The following KSR2 variants were observed in gnomAD, a reference collection of about 807,000 sequenced individuals.
KSR2 encodes the protein kinase suppressor of ras 2.
In KSR2, 25 loss-of-function variants were observed where a neutral mutation model predicts 107.8. The observed-to-expected ratio is 0.23, with a 90% CI of 0.17 to 0.32. The LOEUF (loss-of-function observed/expected upper bound fraction) is 0.32, where lower values mean the gene tolerates loss of function less well. Ranked by LOEUF, KSR2 falls within the 10% of genes least tolerant of loss-of-function variation. The pLI is 1.00. For missense variants in KSR2, 887 were observed against 1,268.9 expected, an observed-to-expected ratio of 0.70 and a Z score of 4.57; for synonymous variants, 480 against 507.0, an observed-to-expected ratio of 0.95 and a Z score of 0.71.
At chr12:117,548,012 G>T (rs868256606) in intron 9 of KSR2, among the ~76,000 whole-genome samples, 1 of 151,968 alleles carries the variant, frequency 6.6e-6, no homozygotes, top group African/African-American at 2.4e-5. Context: ...CAGGAGAATC[G>T]CTTGAACCCG....
At chr12:117,493,213 C>T (rs1332782394) in intron 14 of KSR2, among the ~76,000 whole-genome samples, 1 of 152,126 alleles carries the variant, frequency 6.6e-6, no homozygotes, top group Non-Finnish European at 1.5e-5. Context: ...TATTCTTCTT[C>T]CTGAATGACG....
At chr12:117,612,557 C>T (rs1881664085) in intron 5 of KSR2, among the ~76,000 whole-genome samples, 1 of 152,220 alleles carries the variant, frequency 6.6e-6, no homozygotes, top group East Asian at 1.9e-4. Context: ...TATCTAAATG[C>T]CTTAGTACTC....
chr12:117,459,618 AAACTT>A lies in KSR2; in HGVS notation c.*7576_*7580del, dbSNP rs1870794602. 1 of 152,232 alleles carries A rather than the reference AAACTT, an allele frequency of 6.6e-6. No individual in the cohort carries two copies. The highest frequency in any genetic ancestry group is 2.4e-5 in the African/African-American group (1 of 41,456). The allele number at this position is 152,232 out of a possible 1,614,324, so 9.4% of individuals were successfully genotyped here. A position where few individuals can be genotyped will look rare whatever the true frequency, so the allele number is the denominator to read the frequency against. ...TGGTTGAAGATGAAAACTCAGGTGA[AAACTT>A]AACCCTTCTGAGGGTGTTACATCTT... On this transcript the variant is annotated 3_prime_UTR_variant, in exon 20 of 20. Transcript: ENST00000339824.
chr12:117,688,398 C>T (rs1885674734), intron 4 of KSR2, among the ~76,000 whole-genome samples: 1 of 152,124 alleles, frequency 6.6e-6, no homozygotes, highest in Non-Finnish European at 1.5e-5. Context: ...GTCTATAGCT[C>T]AATTTTTTCA....
chr12:117,719,011 C>T (rs1887107046), intron 4 of KSR2, among the ~76,000 whole-genome samples: 3 of 152,222 alleles, frequency 2.0e-5, no homozygotes, highest in Admixed American at 2.0e-4. Context: ...TCAAAGAAAA[C>T]TCTATTCCAT....
At chr12:117,771,259 C>T (rs1473407359) in intron 3 of KSR2, among the ~76,000 whole-genome samples, 2 of 152,158 alleles carry the variant, frequency 1.3e-5, no homozygotes, top group African/African-American at 4.8e-5. Flanking sequence ...AATTGCCTCC[C>T]TTGGAAAGGC....
intron 1 of KSR2, among the ~76,000 whole-genome samples, chr12:117,940,476 C>T (rs2137532373): frequency 6.6e-6 from 1 of 152,286 alleles, no homozygotes; most frequent in East Asian, 1.9e-4. Flanking sequence ...ACTTGGGACG[C>T]CATCAGCCTT....
At chr12:117,636,120 TTTATTTGGA>T (rs1249639566) in intron 5 of KSR2, among the ~76,000 whole-genome samples, 11 of 152,268 alleles carry the variant, frequency 7.2e-5, no homozygotes, top group African/African-American at 2.6e-4. Context: ...AATGCTAGAC[TTTATTTGGA>T]TTTTACTCAT....
rs183686590 is a variant in KSR2 at position 117,649,217 on chromosome 12, C to A, written c.1171+18257G>T. 2.4e-3 allele frequency among the ~76,000 whole-genome samples: 358 copies of A among 152,268 alleles called. 1 individual carries two copies. The highest frequency in any genetic ancestry group is 0.02 in the Middle Eastern group (6 of 294). ...AAACCAAGATTTCCCAACTCCTGGA[C>A]CAGAGTTTTGCCTGCATCCTAGAGG... On this transcript the variant is annotated intron_variant, in intron 5 of 19. Coordinates refer to ENST00000339824, the MANE Select transcript of KSR2 (RefSeq NM_173598.6).
chr12:117,520,910 A>C (rs988451289), intron 14 of KSR2, among the ~76,000 whole-genome samples: 1 of 152,156 alleles, frequency 6.6e-6, no homozygotes, highest in Non-Finnish European at 1.5e-5. Flanking sequence ...ACTGGCATCT[A>C]GTGAGTAGAG....
chr12:117,655,077 T>C (rs889455697), intron 5 of KSR2, among the ~76,000 whole-genome samples: 1 of 152,204 alleles, frequency 6.6e-6, no homozygotes, highest in Non-Finnish European at 1.5e-5. Flanking sequence ...GCCAGCTACC[T>C]GGTGGCAGGT....
chr12:117,486,155 C>G (rs531916480), intron 14 of KSR2, among the ~76,000 whole-genome samples: 1 of 152,194 alleles, frequency 6.6e-6, no homozygotes, highest in African/African-American at 2.4e-5. Context: ...GTATCATCAG[C>G]AAACGATGCA....
intron 3 of KSR2, among the ~76,000 whole-genome samples, chr12:117,801,422 C>T (rs1034522189): frequency 6.6e-6 from 1 of 152,098 alleles, no homozygotes; most frequent in Non-Finnish European, 1.5e-5. Flanking sequence ...AGCCACCACA[C>T]CTGGCCAAGA....
chr12:117,621,216 C>T (rs547185415), intron 5 of KSR2, among the ~76,000 whole-genome samples: 1 of 152,304 alleles, frequency 6.6e-6, no homozygotes, highest in South Asian at 2.1e-4. Flanking sequence ...CTCTTACCTG[C>T]CACCATGTAA....
chr12:117,747,889 G>A (rs374922477), intron 4 of KSR2, among the ~76,000 whole-genome samples: 3 of 152,196 alleles, frequency 2.0e-5, no homozygotes, highest in East Asian at 1.9e-4. Flanking sequence ...GGAAAACAGT[G>A]TGGAGGTTCC....
At chr12:117,963,845 TG>T (rs1248178150) in intron 1 of KSR2, among the ~76,000 whole-genome samples, 2 of 152,140 alleles carry the variant, frequency 1.3e-5, no homozygotes, top group Non-Finnish European at 2.9e-5. Flanking sequence ...TCATCTGGTT[TG>T]TTGTTCTTGT....
intron 2 of KSR2, among the ~76,000 whole-genome samples, chr12:117,859,579 C>A (rs1454528841): frequency 6.6e-6 from 1 of 151,636 alleles, no homozygotes; most frequent in African/African-American, 2.4e-5. Context: ...CCCTCAGCCT[C>A]CCAAGTAGCT....
chr12:117,920,239 A>G (rs2081760820), intron 1 of KSR2, among the ~76,000 whole-genome samples: 1 of 152,026 alleles, frequency 6.6e-6, no homozygotes, highest in South Asian at 2.1e-4. Flanking sequence ...GCTGGGAGTA[A>G]AGGTAGGAGC....
chr12:117,677,843 A>G (rs1290777125), intron 4 of KSR2, among the ~76,000 whole-genome samples: 1 of 152,166 alleles, frequency 6.6e-6, no homozygotes, highest in East Asian at 1.9e-4. Flanking sequence ...CTCCAAAACT[A>G]TATTTTGGAT....
Sources: allele counts gnomAD v4.1 joint callset (sites outside exome capture counted in the v4.1 genomes callset), GRCh38; gene constraint gnomAD v4.1.1; transcripts MANE v1.5; gene names NCBI Gene and HGNC (gene_info 2026-07-23, HGNC 2026-07-21).